Variants in SLC35F2 observed in about 807,000 individuals in gnomAD.
SLC35F2 encodes the protein queuine/queuosine transporter SLC35F2.
A neutral mutation model predicts 38.1 loss-of-function variants in SLC35F2; 25 were observed. That is an observed-to-expected ratio of 0.66 (90% CI 0.48 to 0.92). The LOEUF (loss-of-function observed/expected upper bound fraction) is 0.92, where lower values mean the gene tolerates loss of function less well. Among genes scored for constraint, SLC35F2 ranks in the 40% least tolerant of loss-of-function variants. The pLI, the probability that SLC35F2 is intolerant of heterozygous loss-of-function variation, is 0.00. For synonymous variants in SLC35F2, 173 were observed against 181.7 expected, an observed-to-expected ratio of 0.95 and a Z score of 0.38; for missense variants, 409 against 452.9, an observed-to-expected ratio of 0.90 and a Z score of 0.88.
intron 1 of SLC35F2, among the ~76,000 whole-genome samples, chr11:107,827,225 CTCTT>C (rs1859765907): frequency 1.3e-5 from 2 of 152,146 alleles, no homozygotes; most frequent in South Asian, 4.1e-4. Context: ...TATATCCTAT[CTCTT>C]TCCCCTAAAA....
rs911213915 is a variant in SLC35F2, at chr11:107,791,001, T to A, written c.*1614A>T. 1 of 152,624 alleles carries A rather than the reference T, an allele frequency of 6.6e-6. No homozygotes were observed. The highest frequency in any genetic ancestry group is 2.4e-5 in the African/African-American group (1 of 41,460). 9.5% of individuals were successfully genotyped at this position (152,624 alleles called of 1,614,324 possible). The stretch of plus-strand genomic sequence containing the variant: ...AAACCACACAGTTGATGTATTTCCA[T>A]GAATTCAAAGCCTTTTAATGATGTG... On this transcript the variant is annotated 3_prime_UTR_variant, in exon 8 of 8. Coordinates refer to ENST00000525815, the MANE Select transcript of SLC35F2 (RefSeq NM_017515.5).
In SLC35F2 at chr11:107,792,682, A is replaced by G. The variant is rs147823554; in HGVS notation, c.1058T>C (p.Ile353Thr). Residue 353 changes from isoleucine to threonine, a missense_variant, in exon 8 of 8, where the codon ATT becomes ACT. By Grantham distance (89) the Ile-to-Thr change is moderately conservative. Transcript: ENST00000525815. The part of the protein sequence containing the change: ...AESSVPPVTS[I>T]GIDNLGLKLE... ...CTTCAGCCCCAGGTTGTCAATCCCA[A>G]TGCTGGTGACTGGAGGCACGCTGCT... 1.6e-4 allele frequency: 264 copies of G among 1,613,864 alleles called. 2 individuals are homozygous for G. In the East Asian group the frequency reaches 5.6e-3, roughly 34 times the overall value.
chr11:107,848,725 A>G (rs1386601923), intron 1 of SLC35F2, among the ~76,000 whole-genome samples: 4 of 152,190 alleles, frequency 2.6e-5, no homozygotes, highest in African/African-American at 9.7e-5. Flanking sequence ...CTGGCATAAA[A>G]GCCCAACTAT....
Position 107,815,862 on chromosome 11 carries a change from G to T in SLC35F2, c.214C>A (p.Pro72Thr). ...YLAERYKVNT[P>T]MLQSFINYCL... ...TAATTGATAAAGCTCTGAAGCATGG[G>T]GGTGTTCACTTTGTATCTTTCTGCC... The change falls in exon 2 of 8, where the codon CCC becomes ACC. Residue 72 changes from proline to threonine, a missense_variant. Transcript: ENST00000525815. The T allele has an allele frequency of 6.2e-7, 1 of 1,614,028 alleles. No individual in the cohort carries two copies. Among genetic ancestry groups the T allele is most frequent in the Non-Finnish European group, 8.5e-7 (1 of 1,180,006 alleles).
At chr11:107,816,578 T>G (rs565722719) in intron 1 of SLC35F2, among the ~76,000 whole-genome samples, 1 of 151,500 alleles carries the variant, frequency 6.6e-6, no homozygotes, top group South Asian at 2.1e-4. Context: ...TGAGCCATCG[T>G]GACTGGCCCT....
At chr11:107,836,838 TA>T (rs2134834000) in intron 1 of SLC35F2, among the ~76,000 whole-genome samples, 2 of 152,312 alleles carry the variant, frequency 1.3e-5, no homozygotes, top group South Asian at 4.1e-4. Flanking sequence ...AGAAAACGAA[TA>T]TACAAAGTCA....
At chr11:107,807,424 G>A (rs555347389) in intron 3 of SLC35F2, among the ~76,000 whole-genome samples, 1 of 152,062 alleles carries the variant, frequency 6.6e-6, no homozygotes, top group East Asian at 1.9e-4. Context: ...ACTCTAGGCT[G>A]TACAACCCAG....
rs751070258 is a variant in SLC35F2, at chr11:107,803,145, G to A, written c.795C>T (p.Phe265=). The change falls in exon 7 of 8, where the codon TTC becomes TTT. Residue 265 remains phenylalanine, a synonymous_variant. Coordinates refer to ENST00000525815, the MANE Select transcript of SLC35F2 (RefSeq NM_017515.5). The stretch of plus-strand genomic sequence containing the variant: ...AAAACATACACAGGGCAAATGCCAC[G>A]AACAGCAGGGCTGTGGAAAAAAACA... ...IHWDWKIALL[F]VAFALCMFCL... The A allele has an allele frequency of 1.9e-6, 3 of 1,607,820 alleles. No homozygotes were observed. The highest frequency in any genetic ancestry group is 2.5e-6 in the Non-Finnish European group (3 of 1,178,178).
At chr11:107,801,117 G>T (rs1859301883) in intron 7 of SLC35F2, among the ~76,000 whole-genome samples, 1 of 152,024 alleles carries the variant, frequency 6.6e-6, no homozygotes, top group Admixed American at 6.5e-5. Context: ...TGTTGGCCAT[G>T]GCTGGTCTCG....
chr11:107,833,446 G>C (rs939796467), intron 1 of SLC35F2, among the ~76,000 whole-genome samples: 6 of 150,206 alleles, frequency 4.0e-5, no homozygotes, highest in African/African-American at 1.2e-4. Context: ...TTGAACCTGG[G>C]AGGCAGAGGT....
At chr11:107,845,320 G>T (rs1860088824) in intron 1 of SLC35F2, among the ~76,000 whole-genome samples, 2 of 152,212 alleles carry the variant, frequency 1.3e-5, no homozygotes, top group African/African-American at 4.8e-5. Flanking sequence ...GTTCACACTT[G>T]TAATCCCAGC....
At chr11:107,829,125 A>G (rs76735513) in intron 1 of SLC35F2, among the ~76,000 whole-genome samples, 1 of 143,060 alleles carries the variant, frequency 7.0e-6, no homozygotes, top group East Asian at 2.0e-4. Flanking sequence ...GGTCAGTAGG[A>G]AAAAAAAAAA....
chr11:107,845,379 A>G (rs1860089982), intron 1 of SLC35F2, among the ~76,000 whole-genome samples: 1 of 151,430 alleles, frequency 6.6e-6, no homozygotes, highest in Non-Finnish European at 1.5e-5. Flanking sequence ...GGAGTTCAAG[A>G]CCAGCCCGGG....
chr11:107,849,685 T>C (rs958399686), intron 1 of SLC35F2, among the ~76,000 whole-genome samples: 7 of 142,682 alleles, frequency 4.9e-5, no homozygotes, highest in Non-Finnish European at 1.1e-4. Flanking sequence ...AAGGGGGAGG[T>C]GGACTCTAGG....
At chr11:107,806,936 A>G in intron 3 of SLC35F2, 60 bp from the exon 4 acceptor site, 1 of 1,491,864 alleles carries the variant, frequency 6.7e-7, no homozygotes, top group South Asian at 1.2e-5. Flanking sequence ...AAGATGGGTA[A>G]TTAAGAAATA....
rs150160830 is a variant in SLC35F2, at chr11:107,810,832, A to T, written c.414+835T>A. ...TCTATGCGAAATAAGTCTAATTTCA[A>T]TTTTTCCAGTCCCTAAAATTTGGAG... On this transcript the variant is annotated intron_variant, in intron 3 of 7. Transcript: ENST00000525815. 2.9e-4 allele frequency: 283 copies of T among 979,784 alleles called. 1 individual carries two copies. In the African/African-American group the frequency reaches 4.8e-3, roughly 17 times the overall value. 60.7% of individuals were successfully genotyped at this position (979,784 alleles called of 1,614,324 possible).
At chr11:107,806,651 G>T in intron 4 of SLC35F2, 66 bp downstream of exon 4, 3 of 1,434,082 alleles carry the variant, frequency 2.1e-6, no homozygotes, top group African/African-American at 1.6e-5. Context: ...TTTCTTTGTT[G>T]ATATAAAAGT....
intron 1 of SLC35F2, among the ~76,000 whole-genome samples, chr11:107,843,042 T>C (rs573391387): frequency 2.0e-5 from 3 of 152,320 alleles, no homozygotes; most frequent in Non-Finnish European, 4.4e-5. Context: ...CAACGTGATA[T>C]AAGGGGATAT....
chr11:107,818,723 C>T lies in SLC35F2; in HGVS notation c.111-2758G>A, dbSNP rs186352721. On this transcript the variant is annotated intron_variant, in intron 1 of 7. Transcript: ENST00000525815. ...TACTCTACCACATGACTACATCATGCTTTATTGATCCATTCCACTGTTGAT... is the reference window on the plus strand; with the variant it reads ...TACTCTACCACATGACTACATCATGTTTTATTGATCCATTCCACTGTTGAT... Among the ~76,000 whole-genome samples the T allele has an allele frequency of 3.9e-5, 6 of 152,308 alleles. No homozygotes were observed. The South Asian group carries it at 8.3e-4, about 21-fold the overall frequency.
Sources: gnomAD v4.1 joint callset for allele counts (sites outside exome capture counted in the v4.1 genomes callset) on GRCh38, gnomAD v4.1.1 for gene constraint, MANE v1.5 for transcripts, NCBI Gene and HGNC (gene_info 2026-07-23, HGNC 2026-07-21) for gene names.